EYA1: variants seen among roughly 807,000 people sequenced by gnomAD.
The protein encoded by EYA1 is EYA transcriptional coactivator and phosphatase 1, also known as protein phosphatase EYA1.
A neutral mutation model predicts 82.0 loss-of-function variants in EYA1; 16 were observed. That is an observed-to-expected ratio of 0.20 (90% confidence interval 0.13 to 0.30). The LOEUF (loss-of-function observed/expected upper bound fraction) is 0.30. Ranked by LOEUF, EYA1 falls within the 10% of genes least tolerant of loss-of-function variation. The pLI is 1.00. For synonymous variants in EYA1, 261 were observed against 264.4 expected (o/e 0.99, Z 0.12); for missense variants, 633 against 730.7 (o/e 0.87, Z 1.54).
upstream of EYA1, chr8:71,362,284 T>TA (rs35162278): frequency 0.42 from 272,538 of 652,466 alleles, 33,573 homozygotes; most frequent in East Asian, 0.66. Context: ...CCTTGCTGTT[T>TA]AAAAAAAAAA....
intron 3 of EYA1, among the ~76,000 whole-genome samples, chr8:71,347,255 C>T (rs774675001): frequency 2.6e-5 from 4 of 152,210 alleles, no homozygotes; most frequent in East Asian, 1.9e-4. Flanking sequence ...ATTGTATTCA[C>T]AGACTGGTCA....
At chr8:71,356,532 A>G in intron 1 of EYA1, 21 bp from the exon 2 acceptor site, 10 of 1,558,916 alleles carry the variant, frequency 6.4e-6, no homozygotes, top group Non-Finnish European at 8.7e-6. Context: ...GGGTAAAAAA[A>G]TTAGAAGATG....
chr8:71,300,249 G>C (rs1398933593), intron 7 of EYA1, among the ~76,000 whole-genome samples: 1 of 152,142 alleles, frequency 6.6e-6, no homozygotes, highest in Admixed American at 6.5e-5. Flanking sequence ...AAAGATGAAA[G>C]AAGAATATGA....
chr8:71,422,649 A>C (rs1420960179), intron 2 of EYA1, among the ~76,000 whole-genome samples: 1 of 152,118 alleles, frequency 6.6e-6, no homozygotes, highest in Non-Finnish European at 1.5e-5. Flanking sequence ...ATGGCTGGGG[A>C]GGCCTCAGGA....
intron 2 of EYA1, among the ~76,000 whole-genome samples, chr8:71,481,888 A>C (rs1422917831): frequency 2.0e-5 from 3 of 152,132 alleles, no homozygotes; most frequent in Admixed American, 2.0e-4. Context: ...AAAATATTTT[A>C]GTGGTTGATT....
rs1039814492 is a variant in EYA1, at chr8:71,198,429, A to C, written c.*911T>G. 1.3e-5 allele frequency: 2 copies of C among 152,512 alleles called. No homozygotes were observed. The highest frequency in any genetic ancestry group is 2.4e-5 in the African/African-American group (1 of 41,358). The allele number at this position is 152,512 out of a possible 1,614,324, so 9.4% of individuals were successfully genotyped here. On this transcript the variant is annotated 3_prime_UTR_variant, in exon 18 of 18. Coordinates refer to ENST00000340726, the MANE Select transcript of EYA1 (RefSeq NM_000503.6). ...TGACATCCATGCTTTTGGTCTTGAC[A>C]ACATTATCTAAAAAAAAAAAATCCA...
chr8:71,284,056 G>A (rs1413105980), intron 9 of EYA1, among the ~76,000 whole-genome samples: 1 of 152,158 alleles, frequency 6.6e-6, no homozygotes, highest in Non-Finnish European at 1.5e-5. Flanking sequence ...AGACTTGACT[G>A]GCCTCAGAAA....
rs953657716 is a variant in EYA1 at position 71,361,829 on chromosome 8, G to T, written c.-237C>A. ...CTCTGCAGGGGAAAGCTCGGCGCAG[G>T]GGGCAGGCGCCTGGCCGCTGCCGCA... On this transcript the variant is annotated 5_prime_UTR_variant, in exon 1 of 18. Transcript: ENST00000340726. 2.0e-6 allele frequency: 2 copies of T among 985,338 alleles called. No homozygotes were observed. Among genetic ancestry groups the T allele is most frequent in the African/African-American group, 1.7e-5 (1 of 57,236 alleles). 61.0% of individuals were successfully genotyped at this position (985,338 alleles called of 1,614,324 possible).
chr8:71,265,179 T>C (rs555110644), intron 11 of EYA1, among the ~76,000 whole-genome samples: 21 of 151,682 alleles, frequency 1.4e-4, no homozygotes, highest in African/African-American at 4.6e-4. Context: ...TTTTTTTTGA[T>C]AGTGAAGCTT....
At chr8:71,278,793 T>C (rs1408526517) in intron 9 of EYA1, among the ~76,000 whole-genome samples, 1 of 152,020 alleles carries the variant, frequency 6.6e-6, no homozygotes, top group Non-Finnish European at 1.5e-5. Context: ...ATTCTAAGGG[T>C]AGTAGGGGAT....
chr8:71,437,924 A>G (rs1806128022), intron 2 of EYA1, among the ~76,000 whole-genome samples: 1 of 152,206 alleles, frequency 6.6e-6, no homozygotes, highest in Non-Finnish European at 1.5e-5. Flanking sequence ...GAATCAAAGT[A>G]TTAAAGAATG....
At chr8:71,486,352 A>G (rs1289829265) in intron 2 of EYA1, among the ~76,000 whole-genome samples, 1 of 152,212 alleles carries the variant, frequency 6.6e-6, no homozygotes, top group Non-Finnish European at 1.5e-5. Flanking sequence ...TACTGGAAAG[A>G]GAAGAAACTG....
chr8:71,340,538 G>C (rs113520579), intron 3 of EYA1, among the ~76,000 whole-genome samples: 1 of 151,986 alleles, frequency 6.6e-6, no homozygotes. Flanking sequence ...AATTTTACAC[G>C]TGACTAAATC....
chr8:71,515,654 C>T (rs1282883719), intron 2 of EYA1, among the ~76,000 whole-genome samples: 1 of 152,054 alleles, frequency 6.6e-6, no homozygotes, highest in African/African-American at 2.4e-5. Context: ...CACTAATTTG[C>T]ATTCCTCTTA....
chr8:71,499,781 C>T (rs1811678965), intron 2 of EYA1, among the ~76,000 whole-genome samples: 1 of 152,140 alleles, frequency 6.6e-6, no homozygotes, highest in South Asian at 2.1e-4. Flanking sequence ...GCATGGCAAG[C>T]TTTGTATACC....
In EYA1 at chr8:71,236,509, AT is replaced by A. The variant is rs11285804; in HGVS notation, c.1140+8093del. ...ATGAGGATGTATTTTAATTTATTTC[AT>A]TTTTAATCTGTTATTGGATATTTAA... On this transcript the variant is annotated intron_variant, in intron 12 of 17. Transcript: ENST00000340726. 3.3e-3 allele frequency among the ~76,000 whole-genome samples: 508 copies of A among 152,238 alleles called. 2 individuals are homozygous for A. The highest frequency in any genetic ancestry group is 0.011 in the African/African-American group (475 of 41,530).
chr8:71,390,174 T>C (rs1182208829), intron 2 of EYA1, among the ~76,000 whole-genome samples: 1 of 152,190 alleles, frequency 6.6e-6, no homozygotes, highest in Non-Finnish European at 1.5e-5. Context: ...TGTTCTTCTT[T>C]TAATATACTA....
intron 2 of EYA1, among the ~76,000 whole-genome samples, chr8:71,356,138 CT>C (rs1353201833): frequency 6.6e-6 from 1 of 152,122 alleles, no homozygotes; most frequent in Non-Finnish European, 1.5e-5. Flanking sequence ...CATTTTACTT[CT>C]AAAGTGAGCT....
intron 3 of EYA1, among the ~76,000 whole-genome samples, chr8:71,344,799 A>T (rs186489918): frequency 8.5e-5 from 13 of 152,352 alleles, no homozygotes; most frequent in African/African-American, 2.6e-4. Flanking sequence ...TTGGAAGCAG[A>T]TGAGCTGGCT....
Sources: allele counts gnomAD v4.1 joint callset (sites outside exome capture counted in the v4.1 genomes callset), GRCh38; gene constraint gnomAD v4.1.1; transcripts MANE v1.5; gene names NCBI Gene and HGNC (gene_info 2026-07-23, HGNC 2026-07-21).